Variants in POLR3G observed in about 807,000 individuals in gnomAD.
The protein encoded by POLR3G is RNA polymerase III subunit G.
In POLR3G, 28 loss-of-function variants were observed where a neutral mutation model predicts 30.1. That is an observed-to-expected ratio of 0.93 (90% CI 0.69 to 1.27). The LOEUF (loss-of-function observed/expected upper bound fraction) is 1.27, where lower values mean the gene tolerates loss of function less well. Ranked by LOEUF, POLR3G falls within the 50% of genes most tolerant of loss-of-function variation. POLR3G has a pLI of 0.00. For missense variants in POLR3G, 254 were observed against 264.6 expected, an observed-to-expected ratio of 0.96 and a Z score of 0.28; for synonymous variants, 79 against 82.5, an observed-to-expected ratio of 0.96 and a Z score of 0.23.
intron 6 of POLR3G, among the ~76,000 whole-genome samples, chr5:90,503,514 A>G (rs1752349903): frequency 6.6e-6 from 1 of 152,218 alleles, no homozygotes; most frequent in Non-Finnish European, 1.5e-5. Context: ...CTAAGATGAC[A>G]TGTGCCGTAA....
intron 6 of POLR3G, 39 bp downstream of exon 6, chr5:90,502,027 A>C (rs1443838456): frequency 6.3e-7 from 1 of 1,594,440 alleles, no homozygotes; most frequent in Non-Finnish European, 8.5e-7. Context: ...AACTGAAAAA[A>C]TGTAAAAGAT....
intron 5 of POLR3G, among the ~76,000 whole-genome samples, chr5:90,500,548 T>C (rs1476795802): frequency 6.6e-6 from 1 of 152,180 alleles, no homozygotes; most frequent in Non-Finnish European, 1.5e-5. Context: ...CTTGTTCATA[T>C]GTGATGCTAT....
intron 4 of POLR3G, 62 bp from the exon 5 acceptor site, chr5:90,497,577 GTGTCCTTCAAATAGTTA>G: frequency 1.4e-6 from 2 of 1,481,314 alleles, no homozygotes; most frequent in Non-Finnish European, 1.8e-6. Context: ...GACAACTGTT[GTGTCCTTCAAATAGTTA>G]TGTTCAATGC....
chr5:90,495,769 A>G, intron 4 of POLR3G, 36 bp downstream of exon 4: 1 of 1,555,068 alleles, frequency 6.4e-7, no homozygotes. Context: ...AACAGTTTTT[A>G]AAGGCTGTCT....
intron 4 of POLR3G, among the ~76,000 whole-genome samples, chr5:90,496,017 G>T (rs1037395595): frequency 6.6e-6 from 1 of 151,922 alleles, no homozygotes; most frequent in African/African-American, 2.4e-5. Flanking sequence ...TGTCGCCCAG[G>T]CTGGAGTGCA....
intron 5 of POLR3G, 51 bp downstream of exon 5, chr5:90,497,757 C>T (rs1752060064): frequency 1.9e-6 from 3 of 1,554,264 alleles, no homozygotes; most frequent in Non-Finnish European, 8.7e-7. Context: ...TTATTTCTTA[C>T]ATTCTGTTAA....
intron 7 of POLR3G, among the ~76,000 whole-genome samples, chr5:90,509,209 A>G (rs1178952019): frequency 6.6e-6 from 1 of 152,046 alleles, no homozygotes; most frequent in African/African-American, 2.4e-5. Flanking sequence ...TTTCTGGTAC[A>G]TTTTTATGGT....
chr5:90,478,288 C>T (rs1049691922), intron 1 of POLR3G, among the ~76,000 whole-genome samples: 3 of 152,114 alleles, frequency 2.0e-5, no homozygotes, highest in African/African-American at 7.2e-5. Context: ...AGGAGACATC[C>T]TGAAATGGAA....
Position 90,501,910 on chromosome 5 carries a change from C to G in POLR3G, c.360C>G (p.Gly120=). 1 of 1,612,932 alleles carries G rather than the reference C, an allele frequency of 6.2e-7. No homozygotes were observed. Among genetic ancestry groups the G allele is most frequent in the Non-Finnish European group, 8.5e-7 (1 of 1,179,392 alleles). The change falls in exon 6 of 8, where the codon GGC becomes GGG. Residue 120 remains glycine (G), a synonymous_variant. Coordinates refer to ENST00000651687, the MANE Select transcript of POLR3G (RefSeq NM_006467.3). ...TAACTGGTAGTTTTACTTCAGCAGG[C>G]CCAAAACCCAAAAAGGCAAAAGACG... is the stretch of plus-strand genomic sequence containing the variant. ...MMPRNKCKKA[G]PKPKKAKDAG... is the part of the protein sequence containing the mutation.
chr5:90,484,050 A>G (rs1751285359), intron 1 of POLR3G, among the ~76,000 whole-genome samples: 1 of 152,080 alleles, frequency 6.6e-6, no homozygotes, highest in South Asian at 2.1e-4. Context: ...TACTCTTAAC[A>G]TTTGCTGTGT....
At chr5:90,497,123 A>G (rs1304364974) in intron 4 of POLR3G, among the ~76,000 whole-genome samples, 1 of 152,214 alleles carries the variant, frequency 6.6e-6, no homozygotes, top group African/African-American at 2.4e-5. Flanking sequence ...TTATTTAGCT[A>G]ATACAAGCAA....
rs776488056 is a variant in POLR3G, at chr5:90,513,379, G to A, written c.*1240G>A. 1 of 152,366 alleles carries A rather than the reference G, an allele frequency of 6.6e-6. No homozygotes were observed. Among genetic ancestry groups the A allele is most frequent in the Admixed American group, 6.6e-5 (1 of 15,254 alleles). 9.4% of individuals were successfully genotyped at this position (152,366 alleles called of 1,614,324 possible). ...TTTCTGTGCCTTAGTTTCTCCACTCGTAAACAATTTCCTATAAAAATTGTT... is the reference window on the plus strand; with the variant it reads ...TTTCTGTGCCTTAGTTTCTCCACTCATAAACAATTTCCTATAAAAATTGTT... On this transcript the variant is annotated 3_prime_UTR_variant, in exon 8 of 8. Coordinates refer to ENST00000651687, the MANE Select transcript of POLR3G (RefSeq NM_006467.3).
chr5:90,487,378 A>ATTTTTTTTTTTTTTT (rs59951999), intron 2 of POLR3G, among the ~76,000 whole-genome samples: 7 of 57,028 alleles, frequency 1.2e-4, no homozygotes, highest in Admixed American at 4.5e-4. Flanking sequence ...TGGTACATTA[A>ATTTTTTTTTTTTTTT]TTTTTTTTTT....
chr5:90,473,940 G>A (rs1240704916), upstream of POLR3G: 2 of 1,604,474 alleles, frequency 1.2e-6, no homozygotes, highest in South Asian at 1.1e-5. Context: ...GGAAAGCCAG[G>A]TCACGGTCTC....
chr5:90,478,592 G>A (rs1750963018), intron 1 of POLR3G, among the ~76,000 whole-genome samples: 1 of 11,488 alleles, frequency 8.7e-5, no homozygotes, highest in Non-Finnish European at 2.1e-4. Flanking sequence ...TTTTTGAGAG[G>A]GAGCCTCACT....
At chr5:90,491,053 A>C (rs2151906352) in intron 3 of POLR3G, among the ~76,000 whole-genome samples, 1 of 152,294 alleles carries the variant, frequency 6.6e-6, no homozygotes, top group Admixed American at 6.5e-5. Flanking sequence ...AAATAGGGTG[A>C]GAGATCTCAA....
intron 1 of POLR3G, among the ~76,000 whole-genome samples, chr5:90,477,071 CAG>C (rs772665966): frequency 2.1e-4 from 32 of 152,196 alleles, no homozygotes; most frequent in Admixed American, 1.4e-3. Context: ...CCCTGGGAGA[CAG>C]ATAAGAGCTG....
At chr5:90,505,363 A>G (rs1370965699) in intron 6 of POLR3G, among the ~76,000 whole-genome samples, 1 of 152,190 alleles carries the variant, frequency 6.6e-6, no homozygotes, top group East Asian at 1.9e-4. Flanking sequence ...GTGAAATTCT[A>G]TCATATGTGC....
At chr5:90,483,143 C>CAGA (rs1554038441) in intron 1 of POLR3G, among the ~76,000 whole-genome samples, 4 of 101,638 alleles carry the variant, frequency 3.9e-5, no homozygotes, top group Non-Finnish European at 7.5e-5. Flanking sequence ...TCCTCCGTCT[C>CAGA]AAAAAAAAAA....
Sources: allele counts gnomAD v4.1 joint callset (sites outside exome capture counted in the v4.1 genomes callset), GRCh38; gene constraint gnomAD v4.1.1; transcripts MANE v1.5; gene names NCBI Gene and HGNC (gene_info 2026-07-23, HGNC 2026-07-21).